TRMT9B: variants seen among roughly 807,000 people sequenced by gnomAD.
TRMT9B encodes tRNA methyltransferase 9B (putative), also known as probable tRNA methyltransferase 9B.
In TRMT9B, 16 loss-of-function variants were observed where a neutral mutation model predicts 11.5. The ratio of observed to expected loss-of-function variants is 1.39; its 90% CI spans 0.94 to 2.11. The LOEUF (loss-of-function observed/expected upper bound fraction) is 2.11. TRMT9B is among the 30% of genes most tolerant of loss of function. The pLI, the probability that TRMT9B is intolerant of heterozygous loss-of-function variation, is 0.00. For synonymous variants in TRMT9B, 274 were observed against 192.4 expected (o/e 1.42, Z -3.51); for missense variants, 941 against 553.8 (o/e 1.70, Z -7.02).
intron 2 of TRMT9B, among the ~76,000 whole-genome samples, chr8:12,999,406 G>T (rs1808978950): frequency 6.6e-6 from 1 of 151,812 alleles, no homozygotes; most frequent in Non-Finnish European, 1.5e-5. Context: ...TATCTTGAGT[G>T]TCTTGATGGT....
At chr8:13,012,446 G>A (rs1811798297) in intron 3 of TRMT9B, 2 of 461,230 alleles carry the variant, frequency 4.3e-6, no homozygotes, top group Non-Finnish European at 6.3e-6. Flanking sequence ...ATGGTGGCAC[G>A]CGCCTATGAT....
At chr8:13,013,571 T>C (rs1050128385) in intron 4 of TRMT9B, among the ~76,000 whole-genome samples, 2 of 151,718 alleles carry the variant, frequency 1.3e-5, no homozygotes, top group African/African-American at 2.4e-5. Context: ...TTTAATGGAA[T>C]CCTATGACAA....
intron 4 of TRMT9B, 110 bp from the exon 5 acceptor site, chr8:13,020,898 G>C (rs1026132658): frequency 1.5e-6 from 1 of 669,592 alleles, no homozygotes; most frequent in Non-Finnish European, 2.4e-6. Context: ...AAATAAGAAG[G>C]TTTCATTAGA....
intron 3 of TRMT9B, chr8:13,012,454 G>C (rs1019903424): frequency 2.0e-6 from 1 of 495,698 alleles, no homozygotes; most frequent in African/African-American, 2.0e-5. Context: ...ACGCGCCTAT[G>C]ATCCCACCTA....
At chr8:12,974,239 G>A (rs951742361) in intron 1 of TRMT9B, among the ~76,000 whole-genome samples, 2 of 151,988 alleles carry the variant, frequency 1.3e-5, no homozygotes, top group South Asian at 2.1e-4. Context: ...CACCACCACC[G>A]TGACCCTGTC....
At chr8:12,951,809 C>CGGGGCGCCGGAGT (rs1800655944) in intron 1 of TRMT9B, 1 of 151,844 alleles carries the variant, frequency 6.6e-6, no homozygotes, top group African/African-American at 2.4e-5. Flanking sequence ...GCTTCCCGCG[C>CGGGGCGCCGGAGT]GGGGCGCCGG....
chr8:13,021,089 T>G lies in TRMT9B; in HGVS notation c.410T>G (p.Leu137Arg). 2 of 1,609,218 alleles carry G rather than the reference T, an allele frequency of 1.2e-6. No individual in the cohort carries two copies. The highest frequency in any genetic ancestry group is 8.5e-7 in the Non-Finnish European group (1 of 1,177,294). ...AGGGTCTTAGTTCCCGGAGGCCAAC[T>G]GATGATTTACGTTTGGGCAATGGAA... is the stretch of plus-strand genomic sequence containing the variant. ...MARVLVPGGQ[L>R]MIYVWAMEQK... Residue 137 changes from leucine (L) to arginine (R), a missense_variant, in exon 5 of 5, where the codon CTG becomes CGG. Leu to Arg is a moderately radical substitution (Grantham distance 102, BLOSUM62 -2). Coordinates refer to ENST00000524591, the MANE Select transcript of TRMT9B (RefSeq NM_020844.3).
At chr8:12,952,325 GC>G in intron 1 of TRMT9B, 1 of 335,626 alleles carries the variant, frequency 3.0e-6, no homozygotes, top group Non-Finnish European at 6.2e-6. Context: ...TCTAGCGCGT[GC>G]CCCGGAGCCC....
At chr8:12,978,028 C>T (rs1804732678) in intron 1 of TRMT9B, among the ~76,000 whole-genome samples, 2 of 151,902 alleles carry the variant, frequency 1.3e-5, no homozygotes, top group Non-Finnish European at 2.9e-5. Flanking sequence ...GACCCTGTCT[C>T]CAAAAAAAGT....
chr8:13,022,056 T>C lies in TRMT9B; in HGVS notation c.*12T>C. The C allele has an allele frequency of 6.6e-7, 1 of 1,521,176 alleles. No individual in the cohort carries two copies. Among genetic ancestry groups the C allele is most frequent in the Non-Finnish European group, 8.8e-7 (1 of 1,130,636 alleles). The allele number at this position is 1,521,176 out of a possible 1,614,324, so 94.2% of individuals were successfully genotyped here. A position where few individuals can be genotyped will look rare whatever the true frequency, so the allele number is the denominator to read the frequency against. ...GAGGTTGTGATTGATTGGATCCTTT[T>C]AGACAACTCCTCCAAAAGATGAACC... On this transcript the variant is annotated 3_prime_UTR_variant, in exon 5 of 5. Transcript: ENST00000524591.
At chr8:12,948,130 C>G (rs1354032717) in intron 1 of TRMT9B, among the ~76,000 whole-genome samples, 1 of 152,118 alleles carries the variant, frequency 6.6e-6, no homozygotes, top group Admixed American at 6.6e-5. Flanking sequence ...TTTAACACAC[C>G]TAACCTACTG....
intron 1 of TRMT9B, among the ~76,000 whole-genome samples, chr8:12,974,912 A>C (rs1224987167): frequency 7.0e-6 from 1 of 142,314 alleles, no homozygotes; most frequent in East Asian, 2.4e-4. Context: ...GATCAAAGGA[A>C]AACCAACAAA....
chr8:12,967,646 G>A (rs1585124985), intron 1 of TRMT9B, among the ~76,000 whole-genome samples: 1 of 152,194 alleles, frequency 6.6e-6, no homozygotes, highest in East Asian at 1.9e-4. Flanking sequence ...AAAGCCTCCT[G>A]AGTTTTCAAT....
At chr8:12,955,291 T>A (rs1449451375) in intron 1 of TRMT9B, among the ~76,000 whole-genome samples, 1 of 152,186 alleles carries the variant, frequency 6.6e-6, no homozygotes, top group Non-Finnish European at 1.5e-5. Flanking sequence ...TCAGCTAGGT[T>A]AAAGAAGTAA....
At chr8:13,012,617 T>C in intron 3 of TRMT9B, 67 bp from the exon 4 acceptor site, 1 of 1,497,056 alleles carries the variant, frequency 6.7e-7, no homozygotes, top group East Asian at 2.3e-5. Context: ...TTTCTTGTTA[T>C]GAGACAAATG....
intron 2 of TRMT9B, among the ~76,000 whole-genome samples, chr8:13,003,321 C>T (rs1184502301): frequency 6.6e-6 from 1 of 152,152 alleles, no homozygotes; most frequent in Non-Finnish European, 1.5e-5. Context: ...ATACCACTCA[C>T]TCACATGCCA....
intron 1 of TRMT9B, among the ~76,000 whole-genome samples, chr8:12,976,604 T>C (rs546004342): frequency 1.4e-4 from 21 of 151,960 alleles, no homozygotes; most frequent in Non-Finnish European, 2.8e-4. Flanking sequence ...AAAAATAAAA[T>C]AAAAATAACA....
chr8:12,967,740 T>C (rs924039225), intron 1 of TRMT9B, among the ~76,000 whole-genome samples: 2 of 152,230 alleles, frequency 1.3e-5, no homozygotes, highest in African/African-American at 4.8e-5. Flanking sequence ...TACATCTTTA[T>C]GCATATAGTG....
chr8:12,963,276 T>C (rs1377742180), intron 1 of TRMT9B, among the ~76,000 whole-genome samples: 1 of 151,796 alleles, frequency 6.6e-6, no homozygotes, highest in African/African-American at 2.4e-5. Context: ...ACTTTAAAAA[T>C]TCAAAAATTA....
Sources: gnomAD v4.1 joint callset for allele counts (sites outside exome capture counted in the v4.1 genomes callset) on GRCh38, gnomAD v4.1.1 for gene constraint, MANE v1.5 for transcripts, NCBI Gene and HGNC (gene_info 2026-07-23, HGNC 2026-07-21) for gene names.